The following DYSF variants were observed in gnomAD, a reference collection of about 807,000 sequenced individuals.
The protein encoded by DYSF is dysferlin.
In DYSF, 212 loss-of-function variants were observed where a neutral mutation model predicts 274.9. That is an observed-to-expected ratio of 0.77 (90% CI 0.69 to 0.86). DYSF has a LOEUF of 0.86. Ranked by LOEUF, DYSF falls within the 40% of genes least tolerant of loss-of-function variation. The pLI is 0.00. For missense variants in DYSF, 2,666 were observed against 2,783.2 expected, an observed-to-expected ratio of 0.96 and a Z score of 0.95; for synonymous variants, 1,091 against 1,078.7, an observed-to-expected ratio of 1.01 and a Z score of -0.22.
In DYSF at chr2:71,547,977, G is replaced by A. The variant is rs144062367; in HGVS notation, c.1577-3064G>A. 8.1e-3 allele frequency among the ~76,000 whole-genome samples: 1,230 copies of A among 152,328 alleles called. 17 individuals are homozygous for A. The highest frequency in any genetic ancestry group is 0.028 in the African/African-American group (1,167 of 41,572). On this transcript the variant is annotated intron_variant, in intron 17 of 55. Transcript: ENST00000410020. The stretch of plus-strand genomic sequence containing the variant: ...TTAAAATGTGATCTGTTTGCTTCCG[G>A]TGGTCCCTGGCCACTGCTCTCCTCG...
intron 40 of DYSF, among the ~76,000 whole-genome samples, chr2:71,618,016 G>GTGTGTGTGTTTGGTAGA (rs2093948709): frequency 8.4e-6 from 1 of 118,448 alleles, no homozygotes; most frequent in Non-Finnish European, 1.8e-5. Context: ...GGTAGAGATG[G>GTGTGTGTGTTTGGTAGA]GGTGTGTGTG....
At chr2:71,625,185 A>G (rs935066570) in intron 41 of DYSF, among the ~76,000 whole-genome samples, 2 of 152,108 alleles carry the variant, frequency 1.3e-5, no homozygotes, top group African/African-American at 4.8e-5. Flanking sequence ...TCAATCTGAA[A>G]TTCCTATTAT....
At chr2:71,656,684 G>C (rs955983946) in intron 43 of DYSF, among the ~76,000 whole-genome samples, 2 of 152,178 alleles carry the variant, frequency 1.3e-5, no homozygotes, top group African/African-American at 4.8e-5. Flanking sequence ...GAGGGGAAAG[G>C]CAGTTCTTAT....
chr2:71,456,575 T>G (rs188155879), intron 1 of DYSF, among the ~76,000 whole-genome samples: 2 of 152,264 alleles, frequency 1.3e-5, no homozygotes, highest in African/African-American at 4.8e-5. Context: ...TGTTGTCCCA[T>G]AAAGCCCCTC....
Position 71,665,293 on chromosome 2 carries a change from T to G in DYSF, c.5306T>G (p.Ile1769Ser), listed in dbSNP as rs886042493. ...ATGTTTCAGGATAAAGAATATTCCA[T>G]TGAAGAGATAGGTGAGCTGCCACAT... ...RVMFQDKEYS[I>S]EEIEAGRIPN... is the part of the protein sequence containing the mutation. The change falls in exon 47 of 56, where the codon ATT becomes AGT. Residue 1769 changes from isoleucine (I) to serine (S), a missense_variant. Around this residue, in one of 3 missense-constraint regions of DYSF, gnomAD observed 1,460 missense variants for 1,502.1 expected, o/e 0.97. Transcript: ENST00000410020. 1.1e-5 allele frequency: 17 copies of G among 1,614,164 alleles called. No homozygotes were observed. The highest frequency in any genetic ancestry group is 1.4e-5 in the Non-Finnish European group (16 of 1,180,020).
upstream of DYSF, among the ~76,000 whole-genome samples, chr2:71,462,759 G>A (rs564832888): frequency 1.1e-4 from 17 of 152,308 alleles, no homozygotes; most frequent in South Asian, 6.2e-4. Flanking sequence ...GCTCGTCACC[G>A]CAGGCAGGTC....
chr2:71,596,155 C>T (rs765314573), intron 32 of DYSF, among the ~76,000 whole-genome samples: 2 of 151,890 alleles, frequency 1.3e-5, no homozygotes, highest in Non-Finnish European at 2.9e-5. Context: ...GGGTGGGGCA[C>T]GTGTGTAGGT....
chr2:71,514,120 T>C (rs1350687569), intron 7 of DYSF, among the ~76,000 whole-genome samples, 199 bp downstream of exon 7: 2 of 148,750 alleles, frequency 1.3e-5, no homozygotes, highest in Non-Finnish European at 3.0e-5. Context: ...CAGAATAAGC[T>C]TCTGCCGAGA....
chr2:71,611,367 C>T lies in DYSF; in HGVS notation c.4059+21C>T, dbSNP rs532941490. 34 of 1,612,382 alleles carry T rather than the reference C, an allele frequency of 2.1e-5. 1 individual carries two copies. The South Asian group carries it at 2.9e-4, about 14-fold the overall frequency. ...TCGAGGTGAGCCGTCCGGGCCTGGG[C>T]GTGGGGGCTGGGAGCAGCCTGCCCT... On this transcript the variant is annotated intron_variant, in intron 37 of 55. Transcript: ENST00000410020.
chr2:71,686,012 T>C (rs964611384), intron 55 of DYSF, among the ~76,000 whole-genome samples: 2 of 152,126 alleles, frequency 1.3e-5, no homozygotes, highest in African/African-American at 2.4e-5. Context: ...CCGTAAGCCC[T>C]GGGCTGCCAT....
intron 20 of DYSF, 60 bp from the exon 21 acceptor site, chr2:71,553,747 A>AGCCCCAAACCCCCCCC: frequency 1.1e-6 from 1 of 872,684 alleles, no homozygotes; most frequent in Middle Eastern, 3.7e-4. Context: ...CACTCTTAGC[A>AGCCCCAAACCCCCCCC]CCCCATCCCA....
At chr2:71,618,088 T>G (rs1372923942) in intron 40 of DYSF, among the ~76,000 whole-genome samples, 27 of 15,054 alleles carry the variant, frequency 1.8e-3, no homozygotes, top group East Asian at 2.6e-3. Context: ...GTGGTAGAGA[T>G]GGGGTGTGTG....
chr2:71,468,529 C>T (rs568362482), intron 1 of DYSF, among the ~76,000 whole-genome samples: 3 of 152,284 alleles, frequency 2.0e-5, no homozygotes, highest in Non-Finnish European at 4.4e-5. Context: ...ACCCCGAACA[C>T]GTGCAGCTGC....
intron 52 of DYSF, 94 bp from the exon 53 acceptor site, chr2:71,678,963 G>A (rs2152967615): frequency 8.7e-7 from 1 of 1,144,380 alleles, no homozygotes; most frequent in Non-Finnish European, 1.3e-6. Flanking sequence ...TGACAGAGGT[G>A]ACTGAGTTTT....
Position 71,681,020 on chromosome 2 carries a change from T to C in DYSF, c.6083T>C (p.Leu2028Ser). ...KILAGKLEMT[L>S]EIVAESEHEE... ...CCTCAGGGCAAGCTGGAAATGACCT[T>C]GGAGATTGTAGCAGAGAGTGAGCAT... Residue 2028 changes from leucine (L) to serine (S), a missense_variant, in exon 54 of 56, where the codon TTG (leucine) becomes TCG (serine). This residue lies in a region of DYSF where 1,460 missense variants were observed against 1,502.1 expected (regional missense o/e 0.97). Transcript: ENST00000410020. 1 of 1,613,720 alleles carries C rather than the reference T, an allele frequency of 6.2e-7. No homozygotes were observed. The highest frequency in any genetic ancestry group is 8.5e-7 in the Non-Finnish European group (1 of 1,179,704).
In DYSF at chr2:71,615,671, G is replaced by A. The variant is rs1197322570; in HGVS notation, c.4464+2261G>A. Among the ~76,000 whole-genome samples the A allele has an allele frequency of 6.6e-6, 1 of 152,194 alleles. No homozygotes were observed. The highest frequency in any genetic ancestry group is 1.9e-4 in the East Asian group (1 of 5,186). ...GCACTCTGAAGGACAGGCGCTCCAA[G>A]GCCAACCCAGGAGGCAGCTGACCCC... On this transcript the variant is annotated intron_variant, in intron 40 of 55. Coordinates refer to ENST00000410020, the MANE Select transcript of DYSF (RefSeq NM_001130987.2). This position sits in a 1 kb window ranked among gnomAD's most constrained non-coding sequence, Gnocchi z 4.9.
intron 14 of DYSF, 127 bp from the exon 15 acceptor site, chr2:71,534,894 G>T: frequency 1.1e-6 from 1 of 939,034 alleles, no homozygotes; most frequent in East Asian, 2.5e-5. Flanking sequence ...CCCAACCCCA[G>T]GGTCTTACAC....
chr2:71,481,776 C>T, intron 2 of DYSF, 103 bp from the exon 3 acceptor site: 1 of 847,598 alleles, frequency 1.2e-6, no homozygotes, highest in South Asian at 1.4e-5. Context: ...TAGAATCATT[C>T]ATGAATGCCT....
In DYSF at chr2:71,520,878, G is replaced by T; in HGVS notation, c.1123G>T (p.Val375Leu). 6.2e-7 allele frequency: 1 copy of T among 1,614,116 alleles called. No homozygotes were observed. Among genetic ancestry groups the T allele is most frequent in the Non-Finnish European group, 8.5e-7 (1 of 1,179,994 alleles). ...ARGYLKTSLCVLGPGDEAPLE... is the reference protein window; with the variant it reads ...ARGYLKTSLCLLGPGDEAPLE... ...AGGCTACCTGAAAACAAGCCTTTGT[G>T]TGCTGGGGCCTGGGGACGAAGCGCC... The change falls in exon 12 of 56, where the codon GTG becomes TTG. Residue 375 changes from valine to leucine, a missense_variant. Around this residue, in one of 3 missense-constraint regions of DYSF, gnomAD observed 794 missense variants for 777.1 expected, o/e 1.02. Coordinates refer to ENST00000410020, the MANE Select transcript of DYSF (RefSeq NM_001130987.2).
Sources: gnomAD v4.1 joint callset for allele counts (sites outside exome capture counted in the v4.1 genomes callset) on GRCh38, gnomAD v4.1.1 for gene constraint, gnomAD v4.1.1 regional missense constraint, Gnocchi (gnomAD v3.1) non-coding constraint, MANE v1.5 for transcripts, NCBI Gene and HGNC (gene_info 2026-07-23, HGNC 2026-07-21) for gene names.